The following ABCB11 variants were observed in gnomAD, a reference collection of about 807,000 sequenced individuals.
The protein encoded by ABCB11 is bile salt export pump.
ABCB11 carries 95 observed loss-of-function variants against 148.0 expected under a neutral mutation model. The observed-to-expected ratio is 0.64, with a 90% CI of 0.54 to 0.76. ABCB11 has a LOEUF of 0.76. Ranked by LOEUF, ABCB11 falls within the 30% of genes least tolerant of loss-of-function variation. The pLI is 0.00. For missense variants in ABCB11, 1,523 were observed against 1,617.8 expected, an observed-to-expected ratio of 0.94 and a Z score of 1.01; for synonymous variants, 591 against 555.4, an observed-to-expected ratio of 1.06 and a Z score of -0.90.
chr2:168,999,514 C>T (rs551089247), intron 5 of ABCB11, among the ~76,000 whole-genome samples: 4 of 152,202 alleles, frequency 2.6e-5, no homozygotes, highest in African/African-American at 9.6e-5. Flanking sequence ...TTAGCCCCAG[C>T]TACAACCAGT....
intron 19 of ABCB11, among the ~76,000 whole-genome samples, chr2:168,948,085 GTAAC>G (rs1334608049): frequency 1.3e-5 from 2 of 151,668 alleles, no homozygotes; most frequent in African/African-American, 4.8e-5. Flanking sequence ...GATGTGGTAA[GTAAC>G]TAGAAGAGCC....
At position 168,970,114 on chromosome 2, in the gene ABCB11, C is replaced by A. The variant is rs780236155; in HGVS notation, c.1740G>T (p.Leu580=). The change falls in exon 15 of 28, where the codon CTG becomes CTT. Residue 580 remains leucine, a synonymous_variant. Transcript: ENST00000650372. The stretch of plus-strand genomic sequence containing the variant: ...GAGCTGAGGTGGCCATGTCCAAAAG[C>A]AGAATCTTGGGATTTCGGATGAGGG... The part of the protein sequence containing the change: ...ARALIRNPKI[L]LLDMATSALD... 4.3e-6 allele frequency: 7 copies of A among 1,612,976 alleles called. No homozygotes were observed. The South Asian group carries it at 6.6e-5, about 15-fold the overall frequency.
rs144705192 is a variant in ABCB11 at position 168,947,180 on chromosome 2, G to A, written c.2344-2219C>T. ...TGTCAAATGCGTAGATTAACCTGCT[G>A]TAACTTAAATTAGGAATTATGATTC... On this transcript the variant is annotated intron_variant, in intron 19 of 27. Transcript: ENST00000650372. Among the ~76,000 whole-genome samples, 620 of 151,752 alleles carry A rather than the reference G, an allele frequency of 4.1e-3. 6 individuals carry two copies. Among genetic ancestry groups the A allele is most frequent in the Admixed American group, 0.014 (207 of 15,198 alleles).
chr2:168,937,513 G>A (rs1332911053), intron 21 of ABCB11, among the ~76,000 whole-genome samples: 3 of 152,160 alleles, frequency 2.0e-5, no homozygotes, highest in East Asian at 1.9e-4. Flanking sequence ...TAGCTTATCC[G>A]AAGTTCATTT....
intron 8 of ABCB11, among the ~76,000 whole-genome samples, chr2:168,991,424 G>A (rs2106006000): frequency 6.6e-6 from 1 of 152,136 alleles, no homozygotes; most frequent in East Asian, 1.9e-4. Flanking sequence ...AGTTGGAGAC[G>A]CTCAACTATG....
At position 168,974,917 on chromosome 2, in the gene ABCB11, T is replaced by A. The variant is rs532166043; in HGVS notation, c.1309-1077A>T. Among the ~76,000 whole-genome samples, 24 of 149,778 alleles carry A rather than the reference T, an allele frequency of 1.6e-4. No individual in the cohort carries two copies. In the East Asian group the frequency reaches 1.8e-3, roughly 11 times the overall value. ...AAAAATATACTTTATGTAATCAGAA[T>A]ATATATTTACTTATGTTTTATATAT... On this transcript the variant is annotated intron_variant, in intron 12 of 27. Coordinates refer to ENST00000650372, the MANE Select transcript of ABCB11 (RefSeq NM_003742.4).
chr2:168,976,523 T>C, intron 12 of ABCB11, 54 bp downstream of exon 12: 1 of 1,092,220 alleles, frequency 9.2e-7, no homozygotes, highest in Non-Finnish European at 1.3e-6. Context: ...GTTATGCAAA[T>C]AAATCATCGA....
intron 17 of ABCB11, among the ~76,000 whole-genome samples, chr2:168,965,197 T>A (rs1481541362): frequency 6.6e-6 from 1 of 151,778 alleles, no homozygotes; most frequent in East Asian, 1.9e-4. Context: ...ACTGAGAGAA[T>A]GTATAAACAT....
At position 168,976,461 on chromosome 2, in the gene ABCB11, C is replaced by T. The variant is rs4148783; in HGVS notation, c.1308+116G>A. 12,405 of 568,946 alleles carry T rather than the reference C, an allele frequency of 0.022. 1,517 individuals are homozygous for T. The East Asian group carries it at 0.29, about 13-fold the overall frequency. 35.2% of individuals were successfully genotyped at this position (568,946 alleles called of 1,614,324 possible). On this transcript the variant is annotated intron_variant, in intron 12 of 27. Coordinates refer to ENST00000650372, the MANE Select transcript of ABCB11 (RefSeq NM_003742.4). ...GGATACTTTCAGAGAAAGACACCTCCATTCCCTATTACTGGAAACAGAGTC... is the reference window on the plus strand; with the variant it reads ...GGATACTTTCAGAGAAAGACACCTCTATTCCCTATTACTGGAAACAGAGTC...
chr2:168,969,242 C>T (rs1310751349), intron 16 of ABCB11, 108 bp downstream of exon 16: 8 of 1,043,102 alleles, frequency 7.7e-6, no homozygotes, highest in Non-Finnish European at 1.1e-5. Context: ...ATAACGCCTG[C>T]CAGAGTTGTT....
exon 3 of ABCB11, among the ~76,000 whole-genome samples, chr2:168,915,654 C>T (rs1027176917): frequency 2.0e-5 from 3 of 152,188 alleles, no homozygotes; most frequent in Non-Finnish European, 4.4e-5. Flanking sequence ...TGGTGTGTGG[C>T]TTTTGTCCAA....
intron 17 of ABCB11, among the ~76,000 whole-genome samples, chr2:168,965,079 G>A (rs1167299119): frequency 3.3e-5 from 5 of 151,852 alleles, no homozygotes; most frequent in African/African-American, 1.2e-4. Flanking sequence ...AGTATGGAAA[G>A]TCAAAGGAAA....
chr2:168,923,238 G>A lies in ABCB11; in HGVS notation c.*384C>T. ...CTGTGTACACCGAGGGTTCAAAAAT[G>A]AAAGACAGTTCTCTGCCCTTGAGGA... On this transcript the variant is annotated 3_prime_UTR_variant, in exon 28 of 28. Coordinates refer to ENST00000650372, the MANE Select transcript of ABCB11 (RefSeq NM_003742.4). 4.4e-6 allele frequency: 1 copy of A among 225,602 alleles called. No individual in the cohort carries two copies. Among genetic ancestry groups the A allele is most frequent in the South Asian group, 1.0e-4 (1 of 10,026 alleles). 14.0% of individuals were successfully genotyped at this position (225,602 alleles called of 1,614,324 possible).
intron 21 of ABCB11, among the ~76,000 whole-genome samples, chr2:168,939,397 A>G (rs958057155): frequency 1.3e-5 from 2 of 152,086 alleles, no homozygotes; most frequent in African/African-American, 4.8e-5. Flanking sequence ...AACTTTGTAC[A>G]TTGTATGAAA....
intron 13 of ABCB11, 126 bp downstream of exon 13, chr2:168,973,584 TAACAA>T: frequency 1.7e-6 from 2 of 1,173,628 alleles, no homozygotes; most frequent in Non-Finnish European, 2.4e-6. Flanking sequence ...ATCAATTCAG[TAACAA>T]ATCATTAAGT....
rs1694632914 is a variant in ABCB11, at chr2:168,993,989, A to G, written c.612-107T>C. Reference sequence around the variant, plus strand: ...TAAACATTCCCATCTCTCTATCCCTATCACCCTTGGATAGCATTAACAGCC... The same window carrying G: ...TAAACATTCCCATCTCTCTATCCCTGTCACCCTTGGATAGCATTAACAGCC... On this transcript the variant is annotated intron_variant, in intron 7 of 27. Transcript: ENST00000650372. The G allele has an allele frequency of 4.1e-6, 4 of 972,836 alleles. No homozygotes were observed. The East Asian group carries it at 8.1e-5, about 20-fold the overall frequency. The allele number at this position is 972,836 out of a possible 1,614,324, so 60.3% of individuals were successfully genotyped here. A position where few individuals can be genotyped will look rare whatever the true frequency, so the allele number is the denominator to read the frequency against.
intron 1 of ABCB11, among the ~76,000 whole-genome samples, chr2:169,022,545 A>G (rs1039191600): frequency 6.6e-6 from 1 of 152,006 alleles, no homozygotes; most frequent in Non-Finnish European, 1.5e-5. Context: ...TAAAATATTG[A>G]TTCAATATTC....
intron 25 of ABCB11, among the ~76,000 whole-genome samples, chr2:168,928,802 G>T (rs1691437710): frequency 6.6e-6 from 1 of 152,096 alleles, no homozygotes; most frequent in African/African-American, 2.4e-5. Flanking sequence ...GTTACAATGG[G>T]CTTTCTAGGT....
chr2:168,975,689 ATT>A (rs10533403), intron 12 of ABCB11, among the ~76,000 whole-genome samples: 8,469 of 38,084 alleles, frequency 0.22, 2,610 homozygotes, highest in East Asian at 0.58. Context: ...ATTTACCTGC[ATT>A]TTATATATAT....
Sources: gnomAD v4.1 joint callset for allele counts (sites outside exome capture counted in the v4.1 genomes callset) on GRCh38, gnomAD v4.1.1 for gene constraint, MANE v1.5 for transcripts, NCBI Gene and HGNC (gene_info 2026-07-23, HGNC 2026-07-21) for gene names.